TXLNB: variants seen among roughly 807,000 people sequenced by gnomAD.
The protein encoded by TXLNB is beta-taxilin.
A neutral mutation model predicts 57.4 loss-of-function variants in TXLNB; 37 were observed. The ratio of observed to expected loss-of-function variants is 0.64; its 90% CI spans 0.50 to 0.85. TXLNB has a LOEUF of 0.85. TXLNB is among the 40% of genes least tolerant of loss of function. The probability of loss-of-function intolerance (pLI) is 0.00; values close to 1 mark genes in which losing one functional copy is unlikely to be tolerated. For synonymous variants in TXLNB, 302 were observed against 309.6 expected, an observed-to-expected ratio of 0.98 and a Z score of 0.26; for missense variants, 848 against 825.6, an observed-to-expected ratio of 1.03 and a Z score of -0.33.
chr6:139,178,031 G>A, the TXLNB span: 1 of 152,162 alleles, frequency 6.6e-6, no homozygotes, highest in Non-Finnish European at 1.5e-5. Context: ...ATTGCTTATG[G>A]CCATGTATAA....
At chr6:139,211,626 T>A in the TXLNB span, among the ~76,000 whole-genome samples, 26 of 152,150 alleles carry the variant, frequency 1.7e-4, no homozygotes, top group Admixed American at 1.7e-3. Context: ...CAAAGCTGGA[T>A]GGAGAATGAC....
chr6:139,256,592 TGCTGGGATCATAG>T, intron 6 of TXLNB, among the ~76,000 whole-genome samples: 1 of 152,382 alleles, frequency 6.6e-6, no homozygotes, highest in Admixed American at 6.5e-5. Context: ...CCTCCCAAAG[TGCTGGGATCATAG>T]GCGTGAGCCG....
intron 3 of TXLNB, among the ~76,000 whole-genome samples, 176 bp downstream of exon 3, chr6:139,276,654 T>C (rs148848728): frequency 9.3e-4 from 141 of 152,362 alleles, no homozygotes; most frequent in African/African-American, 3.2e-3. Context: ...CTAGCTTTAC[T>C]AGAGAGAATG....
At chr6:139,211,870 AG>A in the TXLNB span, among the ~76,000 whole-genome samples, 1 of 152,240 alleles carries the variant, frequency 6.6e-6, no homozygotes, top group Non-Finnish European at 1.5e-5. Flanking sequence ...ACTGGAAGAA[AG>A]GGTATCAGCG....
rs545926135 is a variant in TXLNB at position 139,255,713 on chromosome 6, C to T, written c.1003-75G>A. The T allele has an allele frequency of 1.9e-5, 22 of 1,145,644 alleles. No individual in the cohort carries two copies. The East Asian group carries it at 4.1e-4, about 21-fold the overall frequency. The allele number at this position is 1,145,644 out of a possible 1,614,324, so 71.0% of individuals were successfully genotyped here. On this transcript the variant is annotated intron_variant, in intron 6 of 9. Coordinates refer to ENST00000358430, the MANE Select transcript of TXLNB (RefSeq NM_153235.4). ...TTACTATTTGGCTGTAATTTGTCTACAAAACTTAGCAACCTGCTCATTAAC... is the reference window on the plus strand; with the variant it reads ...TTACTATTTGGCTGTAATTTGTCTATAAAACTTAGCAACCTGCTCATTAAC...
At chr6:139,235,553 C>T (rs1775826331), downstream of TXLNB, among the ~76,000 whole-genome samples, 1 of 152,162 alleles carries the variant, frequency 6.6e-6, no homozygotes, top group South Asian at 2.1e-4. Flanking sequence ...TCCCCATAAT[C>T]CCTATCTGTC....
intron 9 of TXLNB, among the ~76,000 whole-genome samples, chr6:139,243,719 A>T (rs1190348739): frequency 6.6e-6 from 1 of 152,074 alleles, no homozygotes; most frequent in Non-Finnish European, 1.5e-5. Context: ...TGCCTTCCTT[A>T]TCTGTTCTAT....
chr6:139,163,352 CTTT>C, the TXLNB span, among the ~76,000 whole-genome samples: 2 of 142,406 alleles, frequency 1.4e-5, no homozygotes, highest in Non-Finnish European at 1.5e-5. Flanking sequence ...GTTCTCCATT[CTTT>C]TTTTTTTTTT....
At chr6:139,174,596 T>A in the TXLNB span, 2 of 1,580,120 alleles carry the variant, frequency 1.3e-6, no homozygotes, top group Non-Finnish European at 1.7e-6. Context: ...TGTCCCCAAG[T>A]GAATGTAGGG....
chr6:139,304,586 G>A, the TXLNB span, among the ~76,000 whole-genome samples: 1 of 152,296 alleles, frequency 6.6e-6, no homozygotes, highest in East Asian at 1.9e-4. Context: ...CAGGCAACAG[G>A]ACAGAACCAA....
At chr6:139,276,789 C>A in intron 3 of TXLNB, 41 bp downstream of exon 3, 3 of 1,496,646 alleles carry the variant, frequency 2.0e-6, no homozygotes, top group Non-Finnish European at 2.8e-6. Context: ...GCACTGGGCT[C>A]ACTAATCGTT....
intron 2 of TXLNB, among the ~76,000 whole-genome samples, chr6:139,282,615 A>G (rs995960110): frequency 6.9e-6 from 1 of 145,542 alleles, no homozygotes; most frequent in Non-Finnish European, 1.5e-5. Flanking sequence ...ATGTCTGAAG[A>G]CATTTCAGAA....
chr6:139,288,019 C>T (rs781150073), intron 2 of TXLNB, among the ~76,000 whole-genome samples: 1 of 152,190 alleles, frequency 6.6e-6, no homozygotes, highest in Non-Finnish European at 1.5e-5. Context: ...GGTAAAGAAA[C>T]TAGGATGTGC....
rs765013716 is a variant in TXLNB at position 139,243,049 on chromosome 6, T to C, written c.1532A>G (p.His511Arg). The change falls in exon 10 of 10, where the codon CAT becomes CGT. Residue 511 changes from histidine (H) to arginine (R), a missense_variant. By Grantham distance (29) the His-to-Arg change is conservative (BLOSUM62 0). Transcript: ENST00000358430. ...KNLATAFMII[H>R]HPESTPHQSK... ...CTGGTGCGGGGTTGACTCTGGATGA[T>C]GAATTATCATGAAGGCTGTGGCCAG... 2.5e-6 allele frequency: 4 copies of C among 1,614,148 alleles called. No individual in the cohort carries two copies. Among genetic ancestry groups the C allele is most frequent in the South Asian group, 1.1e-5 (1 of 91,082 alleles).
chr6:139,283,541 A>C (rs1777104336), intron 2 of TXLNB, among the ~76,000 whole-genome samples: 1 of 138,066 alleles, frequency 7.2e-6, no homozygotes, highest in Admixed American at 7.2e-5. Context: ...GCACCATTGC[A>C]CTCCAGCCTG....
chr6:139,219,691 G>A, the TXLNB span, among the ~76,000 whole-genome samples: 4 of 152,154 alleles, frequency 2.6e-5, no homozygotes, highest in Admixed American at 2.0e-4. Flanking sequence ...AGGCTGAGAC[G>A]GCAGGCAGGC....
the TXLNB span, among the ~76,000 whole-genome samples, chr6:139,227,782 A>C: frequency 6.6e-6 from 1 of 152,230 alleles, no homozygotes; most frequent in East Asian, 1.9e-4. Context: ...AGCCAGACAT[A>C]AAAGGATAAC....
intron 2 of TXLNB, among the ~76,000 whole-genome samples, chr6:139,282,276 C>G (rs945813565): frequency 6.8e-6 from 1 of 147,458 alleles, no homozygotes; most frequent in Non-Finnish European, 1.5e-5. Context: ...GTGACCGGAC[C>G]GTTCAAAGGA....
intron 7 of TXLNB, among the ~76,000 whole-genome samples, chr6:139,252,830 A>T (rs1776242416): frequency 6.6e-6 from 1 of 152,132 alleles, no homozygotes; most frequent in Non-Finnish European, 1.5e-5. Flanking sequence ...TCTCTACTAA[A>T]AATACAAAAA....
Sources: allele counts gnomAD v4.1 joint callset (sites outside exome capture counted in the v4.1 genomes callset), GRCh38; gene constraint gnomAD v4.1.1; transcripts MANE v1.5; gene names NCBI Gene and HGNC (gene_info 2026-07-23, HGNC 2026-07-21).